The following PLEKHA1 variants were observed in gnomAD, a reference collection of about 807,000 sequenced individuals.
PLEKHA1 encodes the protein pleckstrin homology domain-containing family A member 1.
Under a neutral mutation model 52.0 loss-of-function variants are expected in PLEKHA1, and 34 were observed. The observed-to-expected ratio is 0.65, with a 90% CI of 0.50 to 0.87. PLEKHA1 has a LOEUF of 0.87. Among genes scored for constraint, PLEKHA1 ranks in the 40% least tolerant of loss-of-function variants. The probability of loss-of-function intolerance (pLI) is 0.00; values close to 1 mark genes in which losing one functional copy is unlikely to be tolerated. For missense variants in PLEKHA1, 497 were observed against 504.2 expected, an observed-to-expected ratio of 0.99 and a Z score of 0.14; for synonymous variants, 163 against 170.7, an observed-to-expected ratio of 0.95 and a Z score of 0.35.
chr10:122,432,708 A>G (rs2097424087), downstream of PLEKHA1: 4 of 152,224 alleles, frequency 2.6e-5, no homozygotes, highest in South Asian at 8.3e-4. Flanking sequence ...TAAGGCGGAA[A>G]GCAGAGGGCA....
chr10:122,422,574 A>G (rs1478594534), intron 8 of PLEKHA1: 2 of 152,262 alleles, frequency 1.3e-5, no homozygotes, highest in African/African-American at 2.4e-5. Context: ...GAGGTGTTCT[A>G]CAAAAATAAC....
In PLEKHA1 at chr10:122,389,481, C is replaced by G. The variant is rs372607919; in HGVS notation, c.-20-3700C>G. Among the ~76,000 whole-genome samples the G allele has an allele frequency of 1.2e-4, 19 of 152,324 alleles. No individual in the cohort carries two copies. In the East Asian group the frequency reaches 2.3e-3, roughly 19 times the overall value. On this transcript the variant is annotated intron_variant, in intron 1 of 11. Coordinates refer to ENST00000368990, the MANE Select transcript of PLEKHA1 (RefSeq NM_001001974.4). The stretch of plus-strand genomic sequence containing the variant: ...TTGGGAGGCCAAGGCAAGCGGATCA[C>G]CTGAGGTCAGGAGTTTGAGAGCAGC...
chr10:122,422,917 A>T (rs2097280525), intron 8 of PLEKHA1: 1 of 152,198 alleles, frequency 6.6e-6, no homozygotes, highest in Non-Finnish European at 1.5e-5. Flanking sequence ...ATCTATATAT[A>T]TACATATACT....
At chr10:122,427,167 C>G in intron 11 of PLEKHA1, 136 bp downstream of exon 11, 2 of 747,454 alleles carry the variant, frequency 2.7e-6, no homozygotes, top group South Asian at 4.1e-5. Flanking sequence ...ATTGGACTTG[C>G]AAAAAATAAT....
intron 1 of PLEKHA1, among the ~76,000 whole-genome samples, chr10:122,388,324 A>G (rs570660738): frequency 4.6e-5 from 7 of 152,176 alleles, no homozygotes; most frequent in Non-Finnish European, 1.0e-4. Flanking sequence ...AGGTAGTAGC[A>G]TGTATCAGTA....
chr10:122,377,193 G>T (rs943677547), intron 1 of PLEKHA1, among the ~76,000 whole-genome samples: 6 of 152,074 alleles, frequency 3.9e-5, no homozygotes, highest in Non-Finnish European at 8.8e-5. Context: ...TTGAGAATGG[G>T]GAAGATAGTT....
chr10:122,442,322 T>G, the PLEKHA1 span: 5 of 152,108 alleles, frequency 3.3e-5, no homozygotes, highest in Non-Finnish European at 4.4e-5. Context: ...ATCTTTGTTT[T>G]GTTTAAAAAA....
At chr10:122,383,313 G>GTT (rs58485855) in intron 1 of PLEKHA1, among the ~76,000 whole-genome samples, 72 of 128,314 alleles carry the variant, frequency 5.6e-4, no homozygotes, top group Non-Finnish European at 8.0e-4. Context: ...CTTTCTTTCT[G>GTT]TTTTTTTTTT....
chr10:122,422,331 A>G (rs902552023), intron 8 of PLEKHA1: 2 of 152,212 alleles, frequency 1.3e-5, no homozygotes, highest in African/African-American at 4.8e-5. Context: ...GGTTCCAGGT[A>G]TCTCCCCACA....
intron 2 of PLEKHA1, among the ~76,000 whole-genome samples, chr10:122,395,019 A>C (rs959851038): frequency 1.1e-4 from 17 of 152,228 alleles, no homozygotes; most frequent in Admixed American, 1.1e-3. Context: ...AAGGAGTTGA[A>C]GTCTTCATGG....
intron 5 of PLEKHA1, among the ~76,000 whole-genome samples, chr10:122,408,935 A>G (rs1016193464): frequency 1.3e-5 from 2 of 152,200 alleles, no homozygotes; most frequent in African/African-American, 2.4e-5. Flanking sequence ...TCTGCTAAGT[A>G]CTGTGTGATA....
chr10:122,384,745 G>A (rs1279539049), intron 1 of PLEKHA1, among the ~76,000 whole-genome samples: 1 of 152,118 alleles, frequency 6.6e-6, no homozygotes, highest in Non-Finnish European at 1.5e-5. Flanking sequence ...TTGTGGTCAG[G>A]ACTTTGAGAC....
At chr10:122,432,404 G>A (rs1417474815), downstream of PLEKHA1, 1 of 152,154 alleles carries the variant, frequency 6.6e-6, no homozygotes, top group Non-Finnish European at 1.5e-5. Context: ...TAAATACAAT[G>A]ATTAGGGGTG....
At chr10:122,418,911 G>A (rs2097218430) in intron 8 of PLEKHA1, 1 of 152,192 alleles carries the variant, frequency 6.6e-6, no homozygotes, top group Non-Finnish European at 1.5e-5. Flanking sequence ...AAATGGAAAT[G>A]TGCCGTATCT....
chr10:122,393,193 G>T lies in PLEKHA1; in HGVS notation c.-8G>T. 1 of 1,606,200 alleles carries T rather than the reference G, an allele frequency of 6.2e-7. No homozygotes were observed. The highest frequency in any genetic ancestry group is 8.5e-7 in the Non-Finnish European group (1 of 1,176,908). On this transcript the variant is annotated 5_prime_UTR_variant, in exon 2 of 12. Transcript: ENST00000368990. This position sits in a 1 kb window ranked among gnomAD's most constrained non-coding sequence, Gnocchi z 4.5. ...TTTTATTTTACAGTGTAATGTTCAA[G>T]CTCAGAAATGCCTTATGTGGATCGT...
chr10:122,415,517 T>G (rs910352931), intron 6 of PLEKHA1, among the ~76,000 whole-genome samples: 5 of 152,250 alleles, frequency 3.3e-5, no homozygotes, highest in African/African-American at 1.2e-4. Context: ...TTACGCCGTT[T>G]CCCTTTGAGG....
At chr10:122,388,460 A>G (rs1426706187) in intron 1 of PLEKHA1, among the ~76,000 whole-genome samples, 2 of 152,288 alleles carry the variant, frequency 1.3e-5, no homozygotes, top group Non-Finnish European at 2.9e-5. Flanking sequence ...TTTCATATAC[A>G]AGGGTTTATT....
chr10:122,398,090 T>A (rs2096875481), intron 3 of PLEKHA1, 116 bp downstream of exon 3: 1 of 757,534 alleles, frequency 1.3e-6, no homozygotes, highest in Non-Finnish European at 2.2e-6. Context: ...CAGATTCCTA[T>A]CATACTGAAA....
chr10:122,375,533 C>T (rs899526067), intron 1 of PLEKHA1, among the ~76,000 whole-genome samples: 2 of 152,236 alleles, frequency 1.3e-5, no homozygotes, highest in Non-Finnish European at 2.9e-5. Context: ...AACCGCAGAG[C>T]TTTGGGGCCG....
Sources: allele counts gnomAD v4.1 joint callset (sites outside exome capture counted in the v4.1 genomes callset), GRCh38; gene constraint gnomAD v4.1.1; non-coding constraint Gnocchi (gnomAD v3.1); transcripts MANE v1.5; gene names NCBI Gene and HGNC (gene_info 2026-07-23, HGNC 2026-07-21).